The following ELMO1 variants were observed in gnomAD, a reference collection of about 807,000 sequenced individuals.
ELMO1 encodes engulfment and cell motility protein 1.
Under a neutral mutation model 98.9 loss-of-function variants are expected in ELMO1, and 26 were observed. The ratio of observed to expected loss-of-function variants is 0.26; its 90% CI spans 0.19 to 0.36. ELMO1 has a LOEUF of 0.36. Among genes scored for constraint, ELMO1 ranks in the 10% least tolerant of loss-of-function variants. ELMO1 has a pLI of 1.00. For missense variants in ELMO1, 627 were observed against 935.2 expected (o/e 0.67, Z 4.30); for synonymous variants, 346 against 346.0 (o/e 1.00, Z 0.00).
intron 16 of ELMO1, among the ~76,000 whole-genome samples, chr7:36,912,233 G>A (rs1239509532): frequency 6.6e-6 from 1 of 152,156 alleles, no homozygotes; most frequent in African/African-American, 2.4e-5. Context: ...TAGATGTACT[G>A]GAGCTGTAAT....
intron 18 of ELMO1, among the ~76,000 whole-genome samples, chr7:36,878,330 C>A (rs1804137524): frequency 6.6e-6 from 1 of 152,052 alleles, no homozygotes; most frequent in Non-Finnish European, 1.5e-5. Flanking sequence ...CATTTGGTAA[C>A]CATTAGTAAA....
intron 15 of ELMO1, among the ~76,000 whole-genome samples, chr7:37,084,759 CTT>C (rs930490621): frequency 3.1e-4 from 44 of 141,894 alleles, no homozygotes; most frequent in South Asian, 2.3e-4. Flanking sequence ...AAGCAAATTC[CTT>C]TTTTTTTTTT....
chr7:37,123,571 C>T (rs1786255043), intron 14 of ELMO1, among the ~76,000 whole-genome samples: 1 of 152,146 alleles, frequency 6.6e-6, no homozygotes, highest in Non-Finnish European at 1.5e-5. Flanking sequence ...CATACACCCT[C>T]CCAAGACTAA....
intron 16 of ELMO1, among the ~76,000 whole-genome samples, chr7:36,915,215 G>A (rs1784607138): frequency 6.6e-6 from 1 of 152,220 alleles, no homozygotes; most frequent in South Asian, 2.1e-4. Flanking sequence ...ACAGGCTCAA[G>A]TCACTGTGCC....
chr7:37,155,503 A>ATAAAAAATAAAAT (rs1554427526), intron 13 of ELMO1, among the ~76,000 whole-genome samples: 2 of 131,738 alleles, frequency 1.5e-5, no homozygotes, highest in Non-Finnish European at 3.2e-5. Context: ...AAAAAAAAAA[A>ATAAAAAATAAAAT]AAAAAGCAGG....
At chr7:37,122,209 T>C (rs1786106094) in intron 14 of ELMO1, among the ~76,000 whole-genome samples, 1 of 152,126 alleles carries the variant, frequency 6.6e-6, no homozygotes, top group African/African-American at 2.4e-5. Flanking sequence ...CCATTGAGAC[T>C]AGGAAGAAAC....
intron 16 of ELMO1, among the ~76,000 whole-genome samples, chr7:36,895,786 G>A (rs2129055767): frequency 6.6e-6 from 1 of 152,330 alleles, no homozygotes; most frequent in Admixed American, 6.5e-5. Context: ...AAGCATCTCA[G>A]AGCTTGCTGC....
At chr7:37,284,118 G>A (rs1297678311) in intron 4 of ELMO1, among the ~76,000 whole-genome samples, 1 of 152,102 alleles carries the variant, frequency 6.6e-6, no homozygotes, top group Non-Finnish European at 1.5e-5. Context: ...CAATGGTCTG[G>A]TATCTGGGAG....
At chr7:36,886,742 G>T (rs888343749) in intron 18 of ELMO1, among the ~76,000 whole-genome samples, 6 of 152,208 alleles carry the variant, frequency 3.9e-5, no homozygotes, top group African/African-American at 1.4e-4. Context: ...ACTTGTCCAG[G>T]AAAGAAACAG....
At chr7:36,871,659 T>C (rs573832904) in intron 19 of ELMO1, among the ~76,000 whole-genome samples, 132 of 152,286 alleles carry the variant, frequency 8.7e-4, no homozygotes, top group African/African-American at 2.4e-3. Context: ...CATCCTTTCA[T>C]TGGGAAATTG....
At chr7:37,388,887 A>T (rs1442460282) in intron 1 of ELMO1, among the ~76,000 whole-genome samples, 3 of 152,224 alleles carry the variant, frequency 2.0e-5, no homozygotes, top group Non-Finnish European at 4.4e-5. Context: ...TTTGGGAGGG[A>T]TAGCTTTAAG....
intron 13 of ELMO1, among the ~76,000 whole-genome samples, chr7:37,184,572 T>C (rs1026750969): frequency 9.2e-5 from 14 of 152,144 alleles, no homozygotes; most frequent in Admixed American, 7.9e-4. Context: ...GATTAAAACA[T>C]CCATTTAAAT....
Position 36,968,867 on chromosome 7 carries a change from A to T in ELMO1, c.1437+44432T>A, listed in dbSNP as rs543546806. 9.9e-5 allele frequency among the ~76,000 whole-genome samples: 15 copies of T among 151,822 alleles called. 1 individual carries two copies. The highest frequency in any genetic ancestry group is 1.3e-4 in the Non-Finnish European group (9 of 67,934). ...TTTCATTCTTTCTATATAAATAATT[A>T]AAAAAAATAATTTTGGGGCTACAAA... On this transcript the variant is annotated intron_variant, in intron 16 of 21. Transcript: ENST00000310758.
intron 14 of ELMO1, among the ~76,000 whole-genome samples, chr7:37,117,804 C>T (rs770045850): frequency 2.0e-5 from 3 of 152,142 alleles, no homozygotes; most frequent in South Asian, 2.1e-4. Flanking sequence ...CAAACTCAAA[C>T]GTCCCAACAA....
intron 16 of ELMO1, among the ~76,000 whole-genome samples, chr7:36,974,800 A>G (rs1343993018): frequency 6.6e-6 from 1 of 152,220 alleles, no homozygotes; most frequent in Non-Finnish European, 1.5e-5. Flanking sequence ...TATGAGCTGT[A>G]ACACTCACCG....
At chr7:37,014,862 C>T (rs1052049495) in intron 15 of ELMO1, among the ~76,000 whole-genome samples, 7 of 151,926 alleles carry the variant, frequency 4.6e-5, no homozygotes, top group African/African-American at 9.7e-5. Flanking sequence ...CTTCTGTTCT[C>T]GGGGAGAGCC....
intron 1 of ELMO1, among the ~76,000 whole-genome samples, chr7:37,425,985 A>G (rs996538001): frequency 2.0e-5 from 3 of 152,056 alleles, no homozygotes; most frequent in African/African-American, 7.2e-5. Flanking sequence ...CCATTCTTCA[A>G]CATCTTCTTT....
chr7:37,379,919 C>T (rs901136737), intron 1 of ELMO1, among the ~76,000 whole-genome samples: 4 of 152,158 alleles, frequency 2.6e-5, no homozygotes, highest in African/African-American at 7.2e-5. Flanking sequence ...CTATAGTTCA[C>T]CTTTGGATGT....
chr7:36,855,650 C>T lies in ELMO1; in HGVS notation c.2085G>A (p.Lys695=). ...TGTTTTCCAGGTCCAGGAGGCGGAG[C>T]TTGATTTCCATGCTGAGCAGGGTGT... ...DLDTLLSMEI[K]LRLLDLENIQ... The change falls in exon 22 of 22, where the codon AAG becomes AAA. Residue 695 remains lysine, a synonymous_variant. Transcript: ENST00000310758. This position sits in a 1 kb window ranked among gnomAD's most constrained non-coding sequence, Gnocchi z 4.2. 1 of 1,614,100 alleles carries T rather than the reference C, an allele frequency of 6.2e-7. No individual in the cohort carries two copies. The highest frequency in any genetic ancestry group is 2.2e-5 in the East Asian group (1 of 44,862).
Sources: allele counts gnomAD v4.1 joint callset (sites outside exome capture counted in the v4.1 genomes callset), GRCh38; gene constraint gnomAD v4.1.1; non-coding constraint Gnocchi (gnomAD v3.1); transcripts MANE v1.5; gene names NCBI Gene and HGNC (gene_info 2026-07-23, HGNC 2026-07-21).